The following DIP2C variants were observed in gnomAD, a reference collection of about 807,000 sequenced individuals.
DIP2C encodes the protein disco-interacting protein 2 homolog C.
In DIP2C, 33 loss-of-function variants were observed where a neutral mutation model predicts 192.4. The observed-to-expected ratio is 0.17, with a 90% confidence interval of 0.13 to 0.23. The LOEUF (loss-of-function observed/expected upper bound fraction) is 0.23, where lower values mean the gene tolerates loss of function less well. Ranked by LOEUF, DIP2C falls within the 10% of genes least tolerant of loss-of-function variation. The pLI, the probability that DIP2C is intolerant of heterozygous loss-of-function variation, is 1.00. For missense variants in DIP2C, 1,537 were observed against 2,110.1 expected (o/e 0.73, Z 5.32); for synonymous variants, 979 against 864.1 (o/e 1.13, Z -2.33).
At position 608,130 on chromosome 10, in the gene DIP2C, A is replaced by AACAC. The variant is rs543152867; in HGVS notation, c.85+81360_85+81363dup. 6.1e-4 allele frequency among the ~76,000 whole-genome samples: 59 copies of AACAC among 96,706 alleles called. 3 individuals are homozygous for AACAC. The highest frequency in any genetic ancestry group is 4.6e-3 in the African/African-American group (50 of 10,850). The allele number at this position is 96,706 out of a possible 152,430, so 63.4% of individuals were successfully genotyped here. A position where few individuals can be genotyped will look rare whatever the true frequency, so the allele number is the denominator to read the frequency against. On this transcript the variant is annotated intron_variant, in intron 1 of 36. Coordinates refer to ENST00000280886, the MANE Select transcript of DIP2C (RefSeq NM_014974.3). ...ACACACACACCACACACACAGCCCC[A>AACAC]ACACACACACAGCCCCCCCACACAC...
chr10:405,541 T>TA (rs1481246423), intron 9 of DIP2C, among the ~76,000 whole-genome samples: 1 of 152,224 alleles, frequency 6.6e-6, no homozygotes, highest in African/African-American at 2.4e-5. Context: ...ACGTTGTACT[T>TA]ACATCATTTT....
chr10:477,279 G>C (rs1251908447), intron 2 of DIP2C, among the ~76,000 whole-genome samples: 1 of 68,668 alleles, frequency 1.5e-5, no homozygotes, highest in Non-Finnish European at 2.6e-5. Context: ...AGAAGGAAGG[G>C]AAGGAAGAGA....
chr10:445,637 G>T (rs1302614822), intron 3 of DIP2C, among the ~76,000 whole-genome samples: 2 of 111,776 alleles, frequency 1.8e-5, no homozygotes, highest in Admixed American at 1.6e-4. Context: ...AGTCTATCTT[G>T]CACTGGGCAT....
chr10:408,091 C>T (rs377053811), intron 9 of DIP2C, among the ~76,000 whole-genome samples: 3 of 150,844 alleles, frequency 2.0e-5, no homozygotes, highest in African/African-American at 4.9e-5. Context: ...TACATTTAGG[C>T]GTTTGGTCCA....
At chr10:580,234 A>G (rs917356211) in intron 1 of DIP2C, among the ~76,000 whole-genome samples, 1 of 151,276 alleles carries the variant, frequency 6.6e-6, no homozygotes, top group South Asian at 2.1e-4. Flanking sequence ...TCAGTACACT[A>G]ACATATACAT....
Position 363,290 on chromosome 10 carries a change from G to C in DIP2C, c.2499C>G (p.Thr833=). 8 of 1,611,888 alleles carry C rather than the reference G, an allele frequency of 5.0e-6. No homozygotes were observed. The highest frequency in any genetic ancestry group is 5.9e-6 in the Non-Finnish European group (7 of 1,179,976). ...YRGRIAVFSV[T]VLHDERIVIV... is the part of the protein sequence containing the mutation. ...TCACGATCCTCTCGTCGTGCAGCACGGTCACCGAGAACACGGCTATCCTGC... is the reference window on the plus strand; with the variant it reads ...TCACGATCCTCTCGTCGTGCAGCACCGTCACCGAGAACACGGCTATCCTGC... Residue 833 remains threonine (T), a synonymous_variant, in exon 21 of 37, where the codon ACC becomes ACG. Coordinates refer to ENST00000280886, the MANE Select transcript of DIP2C (RefSeq NM_014974.3). The surrounding 1 kb of genome is among the most constrained non-coding windows in gnomAD (Gnocchi z 5.4).
chr10:335,665 T>TATC (rs1387143812), intron 29 of DIP2C, among the ~76,000 whole-genome samples: 2 of 152,144 alleles, frequency 1.3e-5, no homozygotes, highest in African/African-American at 2.4e-5. Flanking sequence ...TCGGCAGGAG[T>TATC]ATCGCGGATG....
At chr10:687,483 G>T (rs1465880613) in intron 1 of DIP2C, among the ~76,000 whole-genome samples, 1 of 152,206 alleles carries the variant, frequency 6.6e-6, no homozygotes, top group Non-Finnish European at 1.5e-5. Context: ...CTTCTTAAAT[G>T]TGTAGCTCAG....
intron 1 of DIP2C, among the ~76,000 whole-genome samples, chr10:576,520 C>T (rs1252709528): frequency 1.3e-5 from 2 of 152,212 alleles, no homozygotes; most frequent in African/African-American, 4.8e-5. Context: ...GCTAAATTAG[C>T]ATGTACATAC....
In DIP2C at chr10:288,327, G is replaced by C. The variant is rs201342571; in HGVS notation, c.4044+37C>G. 1.9e-6 allele frequency: 3 copies of C among 1,594,572 alleles called. No homozygotes were observed. The Admixed American group carries it at 5.1e-5, about 27-fold the overall frequency. Reference sequence around the variant, plus strand: ...AAAGCCCATACAGTCAGAAGCGAACGGATACAGAAATGCGTGCCTCTTCCT... The same window carrying C: ...AAAGCCCATACAGTCAGAAGCGAACCGATACAGAAATGCGTGCCTCTTCCT... On this transcript the variant is annotated intron_variant, in intron 33 of 36. Transcript: ENST00000280886.
Position 385,637 on chromosome 10 carries a change from C to T in DIP2C, c.1663-998G>A, listed in dbSNP as rs117680716. ...CTTCTGACAAAAATAAACTGGGAAACACTGGCTAGTACCTGCACGCTGCTG... is the reference window on the plus strand; with the variant it reads ...CTTCTGACAAAAATAAACTGGGAAATACTGGCTAGTACCTGCACGCTGCTG... On this transcript the variant is annotated intron_variant, in intron 14 of 36. Coordinates refer to ENST00000280886, the MANE Select transcript of DIP2C (RefSeq NM_014974.3). 9.5e-3 allele frequency among the ~76,000 whole-genome samples: 1,449 copies of T among 152,286 alleles called. 11 individuals are homozygous for T. Among genetic ancestry groups the T allele is most frequent in the Admixed American group, 0.016 (240 of 15,302 alleles).
Position 363,024 on chromosome 10 carries a change from C to T in DIP2C, c.2592+173G>A, listed in dbSNP as rs891129782. On this transcript the variant is annotated intron_variant, in intron 21 of 36. Transcript: ENST00000280886. This position sits in a 1 kb window ranked among gnomAD's most constrained non-coding sequence, Gnocchi z 5.4. Reference sequence around the variant, plus strand: ...TGCAAATTCCTGGTCCCTACACCCTCGATCTGCTGAGCTAGTTTCTGGACA... The same window carrying T: ...TGCAAATTCCTGGTCCCTACACCCTTGATCTGCTGAGCTAGTTTCTGGACA... 1.3e-4 allele frequency among the ~76,000 whole-genome samples: 20 copies of T among 152,172 alleles called. No homozygotes were observed. Among genetic ancestry groups the T allele is most frequent in the Non-Finnish European group, 2.6e-4 (18 of 68,038 alleles).
chr10:295,836 A>G (rs537955842), intron 32 of DIP2C, among the ~76,000 whole-genome samples: 34 of 151,978 alleles, frequency 2.2e-4, no homozygotes, highest in African/African-American at 8.2e-4. Flanking sequence ...GTGAAACCCC[A>G]TCTCTACTAA....
In DIP2C at chr10:343,065, A is replaced by G. The variant is rs564906764; in HGVS notation, c.3454-1736T>C. Among the ~76,000 whole-genome samples, 12 of 152,286 alleles carry G rather than the reference A, an allele frequency of 7.9e-5. No homozygotes were observed. In the South Asian group the frequency reaches 1.2e-3, roughly 16 times the overall value. ...AGCACTTTGGGAGGCCGAGGCGGGC[A>G]GATCACAAGGTCAGGAGATCGAGAA... On this transcript the variant is annotated intron_variant, in intron 28 of 36. Coordinates refer to ENST00000280886, the MANE Select transcript of DIP2C (RefSeq NM_014974.3).
intron 24 of DIP2C, among the ~76,000 whole-genome samples, chr10:355,124 G>A (rs1004626895): frequency 2.6e-5 from 4 of 152,174 alleles, no homozygotes; most frequent in East Asian, 1.9e-4. Context: ...AGCTCTCAGC[G>A]TGGGGCAGGG....
At chr10:638,731 G>A (rs1854971962) in intron 1 of DIP2C, among the ~76,000 whole-genome samples, 1 of 152,172 alleles carries the variant, frequency 6.6e-6, no homozygotes, top group Non-Finnish European at 1.5e-5. Flanking sequence ...AGGTTTGCCA[G>A]CATTGGAGCA....
At chr10:294,755 T>TA (rs1228729390) in intron 32 of DIP2C, among the ~76,000 whole-genome samples, 3 of 152,012 alleles carry the variant, frequency 2.0e-5, no homozygotes, top group African/African-American at 2.4e-5. Context: ...CCTTCGTTTT[T>TA]AAAAAAATAC....
intron 24 of DIP2C, among the ~76,000 whole-genome samples, chr10:351,378 G>A (rs555477932): frequency 2.6e-5 from 4 of 152,186 alleles, no homozygotes; most frequent in South Asian, 2.1e-4. Context: ...GCCGATGAGC[G>A]CAGCGAGGTC....
Position 277,483 on chromosome 10 carries a change from C to A in DIP2C, c.4513G>T (p.Val1505Leu). ...ATCAGGTAGTGCTCCTCCAGGACCA[C>A]GTTGGTCACCAAGGGAACCAGGTCC... ...ALDLVPLVTN[V>L]VLEEHYLIVG... The change falls in exon 37 of 37, where the codon GTG (valine) becomes TTG (leucine). Residue 1505 changes from valine to leucine, a missense_variant. This residue lies in a region of DIP2C where 341 missense variants were observed against 551.7 expected (regional missense o/e 0.62). Coordinates refer to ENST00000280886, the MANE Select transcript of DIP2C (RefSeq NM_014974.3). The A allele has an allele frequency of 6.2e-7, 1 of 1,614,182 alleles. No homozygotes were observed. Among genetic ancestry groups the A allele is most frequent in the Non-Finnish European group, 8.5e-7 (1 of 1,180,038 alleles).
Sources: gnomAD v4.1 joint callset for allele counts (sites outside exome capture counted in the v4.1 genomes callset) on GRCh38, gnomAD v4.1.1 for gene constraint, gnomAD v4.1.1 regional missense constraint, Gnocchi (gnomAD v3.1) non-coding constraint, MANE v1.5 for transcripts, NCBI Gene and HGNC (gene_info 2026-07-23, HGNC 2026-07-21) for gene names.